The following VAV1 variants were observed in gnomAD, a reference collection of about 807,000 sequenced individuals.
The protein encoded by VAV1 is vav guanine nucleotide exchange factor 1.
Under a neutral mutation model 128.1 loss-of-function variants are expected in VAV1, and 33 were observed. The ratio of observed to expected loss-of-function variants is 0.26; its 90% CI spans 0.20 to 0.34. VAV1 has a LOEUF of 0.34. Among genes scored for constraint, VAV1 ranks in the 10% least tolerant of loss-of-function variants. The pLI is 1.00. For synonymous variants in VAV1, 394 were observed against 409.8 expected, an observed-to-expected ratio of 0.96 and a Z score of 0.47; for missense variants, 715 against 1,093.7, an observed-to-expected ratio of 0.65 and a Z score of 4.88.
At chr19:6,833,830 G>A in intron 18 of VAV1, 78 bp from the exon 19 acceptor site, 2 of 1,613,548 alleles carry the variant, frequency 1.2e-6, no homozygotes, top group Non-Finnish European at 1.7e-6. Flanking sequence ...GATCCTTTGT[G>A]GGGTGAGGAG....
chr19:6,811,863 A>T (rs948369528), intron 1 of VAV1, among the ~76,000 whole-genome samples: 1 of 152,328 alleles, frequency 6.6e-6, no homozygotes, highest in Non-Finnish European at 1.5e-5. Flanking sequence ...AAACAGTACA[A>T]TGCATGTGCT....
chr19:6,791,983 A>G (rs1333094978), intron 1 of VAV1, among the ~76,000 whole-genome samples: 2 of 141,804 alleles, frequency 1.4e-5, no homozygotes, highest in African/African-American at 5.5e-5. Context: ...CTTACCTAGA[A>G]TGGCTATGGG....
intron 26 of VAV1, among the ~76,000 whole-genome samples, chr19:6,856,487 C>T (rs544292854): frequency 4.6e-5 from 7 of 151,788 alleles, no homozygotes; most frequent in Non-Finnish European, 5.9e-5. Flanking sequence ...TCTGGGAGGC[C>T]GAGATGGGCA....
intron 21 of VAV1, among the ~76,000 whole-genome samples, chr19:6,841,912 A>G (rs1177246452): frequency 6.6e-6 from 1 of 151,350 alleles, no homozygotes; most frequent in Non-Finnish European, 1.5e-5. Flanking sequence ...AGCTGTCCTA[A>G]TTGTTTTAAG....
intron 1 of VAV1, among the ~76,000 whole-genome samples, chr19:6,782,734 T>A (rs1970792044): frequency 6.6e-6 from 1 of 151,978 alleles, no homozygotes; most frequent in African/African-American, 2.4e-5. Flanking sequence ...ATATATATAT[T>A]AGCAGAGCAT....
intron 21 of VAV1, among the ~76,000 whole-genome samples, chr19:6,839,105 G>A (rs1375827963): frequency 6.6e-6 from 1 of 151,908 alleles, no homozygotes; most frequent in African/African-American, 2.4e-5. Flanking sequence ...GTTTCATCAT[G>A]TTGGTCAGGC....
intron 22 of VAV1, 125 bp downstream of exon 22, chr19:6,843,291 A>G (rs1370618277): frequency 8.9e-7 from 1 of 1,118,692 alleles, no homozygotes; most frequent in African/African-American, 1.5e-5. Context: ...CCGACTTCTG[A>G]ATCTAGCTCT....
chr19:6,851,314 A>G (rs1372113747), intron 24 of VAV1, among the ~76,000 whole-genome samples: 2 of 151,950 alleles, frequency 1.3e-5, no homozygotes, highest in African/African-American at 4.8e-5. Context: ...CTGGTACTAT[A>G]GGCATGCACC....
In VAV1 at chr19:6,818,728, A is replaced by G. The variant is rs369579917; in HGVS notation, c.205-1974A>G. Among the ~76,000 whole-genome samples the G allele has an allele frequency of 4.9e-4, 74 of 152,300 alleles. 2 individuals carry two copies. The South Asian group carries it at 0.015, about 32-fold the overall frequency. ...TTATAAGAAGAGTAAACTAGGGTGCAGGCAGGGCAAGACCACGTCACAGTG... is the reference window on the plus strand; with the variant it reads ...TTATAAGAAGAGTAAACTAGGGTGCGGGCAGGGCAAGACCACGTCACAGTG... On this transcript the variant is annotated intron_variant, in intron 1 of 26. Coordinates refer to ENST00000602142, the MANE Select transcript of VAV1 (RefSeq NM_005428.4).
In VAV1 at chr19:6,828,459, A is replaced by G; in HGVS notation, c.1064A>G (p.Asn355Ser). The G allele has an allele frequency of 6.2e-7, 1 of 1,613,978 alleles. No homozygotes were observed. Among genetic ancestry groups the G allele is most frequent in the Non-Finnish European group, 8.5e-7 (1 of 1,179,988 alleles). ...KHTQEAMEKE[N>S]LRLALDAMRD... is the part of the protein sequence containing the mutation. ...ACGCAGGAGGCGATGGAGAAGGAGA[A>G]CCTGCGGCTGGCCCTGGATGCCATG... is the stretch of plus-strand genomic sequence containing the variant. Residue 355 changes from asparagine (N) to serine (S), a missense_variant, in exon 11 of 27, where the codon AAC (asparagine) becomes AGC (serine). Physicochemically the swap from Asn to Ser is conservative, Grantham distance 46. Coordinates refer to ENST00000602142, the MANE Select transcript of VAV1 (RefSeq NM_005428.4). The surrounding 1 kb of genome is among the most constrained non-coding windows in gnomAD (Gnocchi z 4.5).
Position 6,857,124 on chromosome 19 carries a change from A to C in VAV1, c.*17A>C. On this transcript the variant is annotated 3_prime_UTR_variant, in exon 27 of 27. Transcript: ENST00000602142. ...TACTGCTGAGCCCTGGTGCCTTGGCAGAGAGACGAGAAACTCCAGGCTCTG... is the reference window on the plus strand; with the variant it reads ...TACTGCTGAGCCCTGGTGCCTTGGCCGAGAGACGAGAAACTCCAGGCTCTG... The C allele has an allele frequency of 6.2e-7, 1 of 1,613,880 alleles. No individual in the cohort carries two copies. The highest frequency in any genetic ancestry group is 1.3e-5 in the African/African-American group (1 of 75,034).
Position 6,820,756 on chromosome 19 carries a change from G to A in VAV1, c.259G>A (p.Gly87Ser), listed in dbSNP as rs1349630957. 3.7e-6 allele frequency: 6 copies of A among 1,614,060 alleles called. No individual in the cohort carries two copies. Among genetic ancestry groups the A allele is most frequent in the East Asian group, 2.2e-5 (1 of 44,892 alleles). ...TFLSTCCEKFGLKRSELFEAF... is the reference protein window; with the variant it reads ...TFLSTCCEKFSLKRSELFEAF... ...CCTGTCCACCTGCTGTGAGAAGTTC[G>A]GCCTCAAGCGGAGCGAGCTCTTCGA... Residue 87 changes from glycine to serine, a missense_variant, in exon 2 of 27, where the codon GGC becomes AGC. Physicochemically the swap from Gly to Ser is moderately conservative, Grantham distance 56. Transcript: ENST00000602142. The surrounding 1 kb of genome is among the most constrained non-coding windows in gnomAD (Gnocchi z 4.4).
At chr19:6,792,585 T>C (rs1971041117) in intron 1 of VAV1, among the ~76,000 whole-genome samples, 1 of 151,846 alleles carries the variant, frequency 6.6e-6, no homozygotes, top group South Asian at 2.1e-4. Context: ...TTTGTTTTGT[T>C]TGTTTTTGTA....
At chr19:6,804,875 C>A (rs1388093494) in intron 1 of VAV1, among the ~76,000 whole-genome samples, 1 of 151,938 alleles carries the variant, frequency 6.6e-6, no homozygotes. Context: ...AGGCGCCCGC[C>A]ACCATGCCCG....
intron 1 of VAV1, among the ~76,000 whole-genome samples, chr19:6,776,913 A>C (rs1970655598): frequency 6.6e-6 from 1 of 151,976 alleles, no homozygotes; most frequent in Admixed American, 6.6e-5. Flanking sequence ...ACCCGCCACC[A>C]CGCCCGGCTA....
intron 1 of VAV1, among the ~76,000 whole-genome samples, chr19:6,775,860 T>C (rs76187856): frequency 0.11 from 16,749 of 152,198 alleles, 1,210 homozygotes; most frequent in African/African-American, 0.2. Context: ...GGTGCTCCTG[T>C]GGAGGAAATG....
intron 1 of VAV1, among the ~76,000 whole-genome samples, chr19:6,776,781 G>A (rs183059527): frequency 5.8e-4 from 86 of 147,494 alleles, no homozygotes; most frequent in African/African-American, 2.1e-3. Flanking sequence ...ATTTATTTAC[G>A]GCGTCTCACT....
chr19:6,831,394 C>T (rs1950511829), intron 14 of VAV1, among the ~76,000 whole-genome samples: 1 of 152,128 alleles, frequency 6.6e-6, no homozygotes, highest in African/African-American at 2.4e-5. Context: ...TCACTGCAAC[C>T]TCCGCCTCCT....
intron 15 of VAV1, among the ~76,000 whole-genome samples, chr19:6,832,520 TTTCCTCCTCCTCCCCTTCCTCTTCTTC>T (rs1415235230): frequency 4.1e-5 from 4 of 98,182 alleles, no homozygotes; most frequent in Admixed American, 2.0e-4. Context: ...CCTCCTCCTC[TTTCCTCCTCCTCCCCTTCCTCTTCTTC>T]TTCCTCCTCC....
Sources: allele counts gnomAD v4.1 joint callset (sites outside exome capture counted in the v4.1 genomes callset), GRCh38; gene constraint gnomAD v4.1.1; non-coding constraint Gnocchi (gnomAD v3.1); transcripts MANE v1.5; gene names NCBI Gene and HGNC (gene_info 2026-07-23, HGNC 2026-07-21).